The following ZNF99 variants were observed in gnomAD, a reference collection of about 807,000 sequenced individuals.
ZNF99 encodes the protein zinc finger protein ENSP00000375192.
In ZNF99, 8 loss-of-function variants were observed where a neutral mutation model predicts 12.8. The observed-to-expected ratio is 0.62, with a 90% CI of 0.37 to 1.13. The LOEUF is 1.13. Ranked by LOEUF, ZNF99 falls within the 50% of genes most tolerant of loss-of-function variation. The pLI is 0.02. For missense variants in ZNF99, 1,007 were observed against 1,006.2 expected (o/e 1.00, Z -0.01); for synonymous variants, 318 against 319.0 (o/e 1.00, Z 0.03).
intron 3 of ZNF99, 48 bp from the exon 4 acceptor site, chr19:22,759,730 G>A: frequency 7.5e-7 from 1 of 1,328,254 alleles, no homozygotes; most frequent in Non-Finnish European, 1.0e-6. Context: ...AGACTCAGAT[G>A]AATATACTTT....
intron 1 of ZNF99, among the ~76,000 whole-genome samples, chr19:22,772,153 T>C (rs1446933030): frequency 2.0e-5 from 3 of 152,040 alleles, no homozygotes; most frequent in South Asian, 2.1e-4. Flanking sequence ...AATATATACT[T>C]GATTAGCAGT....
In ZNF99 at chr19:22,759,423, T is replaced by G. The variant is rs375898230; in HGVS notation, c.486A>C (p.Arg162Ser). Residue 162 changes from arginine (R) to serine (S), a missense_variant, in exon 4 of 4, where the codon AGA (arginine) becomes AGC (serine). By Grantham distance (110) the Arg-to-Ser change is moderately radical. Coordinates refer to ENST00000596209, the MANE Select transcript of ZNF99 (RefSeq NM_001080409.3). ...TCTTTTTAGTGTGTCTAATCTTATA[T>G]CTATTTGAATTTGAATATTTATGAA... ...KVFHKYSNSN[R>S]YKIRHTKKKT... 3.0e-5 allele frequency: 48 copies of G among 1,583,066 alleles called. No homozygotes were observed. The highest frequency in any genetic ancestry group is 4.0e-5 in the Non-Finnish European group (47 of 1,164,392).
In ZNF99 at chr19:22,757,160, G is replaced by A. The variant is rs778194588; in HGVS notation, c.*154C>T. 11 of 1,608,574 alleles carry A rather than the reference G, an allele frequency of 6.8e-6. No homozygotes were observed. The highest frequency in any genetic ancestry group is 1.7e-4 in the Middle Eastern group (1 of 5,992). ...CCCAGTATGAACTGCTTTATGTCTA[G>A]TAAGGTGTGAGGACTGCTTAAAAGC... On this transcript the variant is annotated 3_prime_UTR_variant, in exon 4 of 4. Transcript: ENST00000596209.
chr19:22,782,383 T>C (rs1401585602), intron 1 of ZNF99, among the ~76,000 whole-genome samples: 2 of 152,036 alleles, frequency 1.3e-5, no homozygotes, highest in Admixed American at 6.6e-5. Flanking sequence ...TTAAGACAGT[T>C]TCGGTCTTGT....
intron 1 of ZNF99, among the ~76,000 whole-genome samples, chr19:22,778,574 T>TC (rs1973353833): frequency 6.6e-6 from 1 of 152,186 alleles, no homozygotes; most frequent in Non-Finnish European, 1.5e-5. Flanking sequence ...CTGGGGACTC[T>TC]CATAACATTC....
intron 1 of ZNF99, among the ~76,000 whole-genome samples, chr19:22,783,061 C>T (rs62122372): frequency 0.087 from 13,176 of 152,136 alleles, 588 homozygotes; most frequent in Middle Eastern, 0.11. Flanking sequence ...GGGCAGATCA[C>T]CTGACGTCGG....
intron 3 of ZNF99, among the ~76,000 whole-genome samples, chr19:22,762,700 A>G (rs1329167976): frequency 2.0e-5 from 3 of 152,142 alleles, no homozygotes; most frequent in African/African-American, 4.8e-5. Flanking sequence ...AAAACCACAG[A>G]CTGACGTCCC....
In ZNF99 at chr19:22,783,885, G is replaced by C. The variant is rs567359876; in HGVS notation, c.3+129C>G. ...TATGGCTGAAGGAGACTGAGGCCGA[G>C]CTGGGCAAGAGCTCGGGGCGCAGAC... On this transcript the variant is annotated intron_variant, in intron 1 of 3. Coordinates refer to ENST00000596209, the MANE Select transcript of ZNF99 (RefSeq NM_001080409.3). 2.2e-5 allele frequency: 28 copies of C among 1,265,348 alleles called. No homozygotes were observed. The African/African-American group carries it at 3.7e-4, about 17-fold the overall frequency. The allele number at this position is 1,265,348 out of a possible 1,614,324, so 78.4% of individuals were successfully genotyped here.
intron 1 of ZNF99, among the ~76,000 whole-genome samples, chr19:22,776,872 T>C (rs1973335610): frequency 6.7e-6 from 1 of 150,194 alleles, no homozygotes; most frequent in East Asian, 2.0e-4. Context: ...CAGGTAAGGT[T>C]TGGTGGCTCA....
At chr19:22,766,371 G>A (rs532437463) in intron 3 of ZNF99, among the ~76,000 whole-genome samples, 36 of 147,232 alleles carry the variant, frequency 2.4e-4, no homozygotes, top group East Asian at 2.4e-3. Context: ...ATGGAGTCTC[G>A]CTCTATTGCC....
rs1568383555 is a variant in ZNF99 at position 22,758,905 on chromosome 19, T to C, written c.1004A>G (p.His335Arg). Residue 335 changes from histidine (H) to arginine (R), a missense_variant, in exon 4 of 4, where the codon CAT (histidine) becomes CGT (arginine). Coordinates refer to ENST00000596209, the MANE Select transcript of ZNF99 (RefSeq NM_001080409.3). ...FSALRKHQII[H>R]TGKKPYKCEE... Reference sequence around the variant, plus strand: ...ACATTTGTAGGGTTTCTTTCCAGTATGAATTATCTGATGTTTTCTAAGGGC... The same window carrying C: ...ACATTTGTAGGGTTTCTTTCCAGTACGAATTATCTGATGTTTTCTAAGGGC... The C allele has an allele frequency of 8.1e-6, 13 of 1,613,752 alleles. No homozygotes were observed. The highest frequency in any genetic ancestry group is 5.3e-5 in the African/African-American group (4 of 74,942).
At chr19:22,776,453 ATATATATATATG>A (rs1973329691) in intron 1 of ZNF99, among the ~76,000 whole-genome samples, 3 of 94,168 alleles carry the variant, frequency 3.2e-5, no homozygotes, top group East Asian at 3.4e-4. Flanking sequence ...ATATATATAT[ATATATATATATG>A]GCTAACAAGC....
chr19:22,776,070 A>C (rs551519359), intron 1 of ZNF99, among the ~76,000 whole-genome samples: 2 of 151,558 alleles, frequency 1.3e-5, no homozygotes, highest in Non-Finnish European at 2.9e-5. Flanking sequence ...AAAGGCTAAG[A>C]GTAAGATTAA....
intron 3 of ZNF99, among the ~76,000 whole-genome samples, chr19:22,763,516 G>T (rs547363773): frequency 6.6e-6 from 1 of 152,272 alleles, no homozygotes; most frequent in South Asian, 2.1e-4. Context: ...CACGTTCATG[G>T]ATAGGTAGAA....
At position 22,757,136 on chromosome 19, in the gene ZNF99, C is replaced by G. The variant is rs527801407; in HGVS notation, c.*178G>C. On this transcript the variant is annotated 3_prime_UTR_variant, in exon 4 of 4. Coordinates refer to ENST00000596209, the MANE Select transcript of ZNF99 (RefSeq NM_001080409.3). ...TTCTCCACATTTGTAGGGCTTCTCC[C>G]CAGTATGAACTGCTTTATGTCTAGT... The G allele has an allele frequency of 9.3e-6, 15 of 1,612,226 alleles. No homozygotes were observed. In the South Asian group the frequency reaches 1.6e-4, roughly 18 times the overall value.
At chr19:22,763,904 CTTTTTTT>C (rs965211065) in intron 3 of ZNF99, among the ~76,000 whole-genome samples, 1 of 101,684 alleles carries the variant, frequency 9.8e-6, no homozygotes, top group Non-Finnish European at 1.8e-5. Context: ...TTTTTCTTTC[CTTTTTTT>C]TTTTTTTTTT....
chr19:22,765,755 T>G (rs1392050106), intron 3 of ZNF99, among the ~76,000 whole-genome samples: 1 of 150,592 alleles, frequency 6.6e-6, no homozygotes, highest in Non-Finnish European at 1.5e-5. Context: ...GAGGCCAAGG[T>G]AGTCAGAAAA....
rs1363219724 is a variant in ZNF99, at chr19:22,757,092, T to G, written c.*222A>C. 2 of 1,612,124 alleles carry G rather than the reference T, an allele frequency of 1.2e-6. No individual in the cohort carries two copies. Among genetic ancestry groups the G allele is most frequent in the Admixed American group, 3.3e-5 (2 of 59,940 alleles). On this transcript the variant is annotated 3_prime_UTR_variant, in exon 4 of 4. Transcript: ENST00000596209. Reference sequence around the variant, plus strand: ...TTATGTTTCTTAAGGGTTGAGGAATTGTTAAAAGCTTTTCCACATTCTCCA... The same window carrying G: ...TTATGTTTCTTAAGGGTTGAGGAATGGTTAAAAGCTTTTCCACATTCTCCA...
At chr19:22,778,096 G>A (rs891568911) in intron 1 of ZNF99, among the ~76,000 whole-genome samples, 6 of 150,454 alleles carry the variant, frequency 4.0e-5, no homozygotes, top group Non-Finnish European at 7.4e-5. Context: ...ACACCAACAT[G>A]GCACATGTAT....
Sources: allele counts gnomAD v4.1 joint callset (sites outside exome capture counted in the v4.1 genomes callset), GRCh38; gene constraint gnomAD v4.1.1; transcripts MANE v1.5; gene names NCBI Gene and HGNC (gene_info 2026-07-23, HGNC 2026-07-21).